The following RHBDD1 variants were observed in gnomAD, a reference collection of about 807,000 sequenced individuals.
The protein encoded by RHBDD1 is rhomboid domain containing 1, also known as rhomboid-related protein 4.
Under a neutral mutation model 36.3 loss-of-function variants are expected in RHBDD1, and 38 were observed. The observed-to-expected ratio is 1.05, with a 90% CI of 0.81 to 1.37. The LOEUF (loss-of-function observed/expected upper bound fraction) is 1.37, where lower values mean the gene tolerates loss of function less well. RHBDD1 is among the 40% of genes most tolerant of loss of function. The probability of loss-of-function intolerance (pLI) is 0.00; values close to 1 mark genes in which losing one functional copy is unlikely to be tolerated. For synonymous variants in RHBDD1, 151 were observed against 136.5 expected (o/e 1.11, Z -0.74); for missense variants, 393 against 377.6 (o/e 1.04, Z -0.34).
intron 8 of RHBDD1, among the ~76,000 whole-genome samples, chr2:226,979,577 A>G (rs1052743783): frequency 6.6e-6 from 1 of 152,124 alleles, no homozygotes; most frequent in Non-Finnish European, 1.5e-5. Context: ...GGAGGAGAGG[A>G]AGCAAGCATC....
At chr2:226,902,365 C>T (rs918599494) in intron 5 of RHBDD1, among the ~76,000 whole-genome samples, 2 of 152,164 alleles carry the variant, frequency 1.3e-5, no homozygotes, top group Non-Finnish European at 2.9e-5. Flanking sequence ...TTTCTGTCTC[C>T]ACAGCACCCC....
chr2:226,960,911 AACTG>A (rs1341683055), intron 8 of RHBDD1, among the ~76,000 whole-genome samples: 1 of 152,190 alleles, frequency 6.6e-6, no homozygotes, highest in African/African-American at 2.4e-5. Context: ...GATGGTTGCT[AACTG>A]ACCTTCATTT....
chr2:226,871,232 T>G (rs987087832), intron 5 of RHBDD1, among the ~76,000 whole-genome samples: 3 of 152,178 alleles, frequency 2.0e-5, no homozygotes, highest in African/African-American at 7.2e-5. Flanking sequence ...AATTTTCTGT[T>G]TTCAAAAATA....
chr2:226,974,721 AGTGTCCCGCACCCAAGAGCAGG>A (rs1954242087), intron 8 of RHBDD1, among the ~76,000 whole-genome samples: 1 of 152,170 alleles, frequency 6.6e-6, no homozygotes, highest in African/African-American at 2.4e-5. Flanking sequence ...GATCCTCTTT[AGTGTCCCGCACCCAAGAGCAGG>A]GTGGATACTC....
intron 8 of RHBDD1, among the ~76,000 whole-genome samples, chr2:226,964,561 CT>C (rs1187033126): frequency 6.6e-6 from 1 of 152,174 alleles, no homozygotes; most frequent in Non-Finnish European, 1.5e-5. Context: ...TATTTATATG[CT>C]GGCAACTTCC....
At chr2:226,887,018 C>T (rs750253446) in intron 5 of RHBDD1, among the ~76,000 whole-genome samples, 21 of 151,916 alleles carry the variant, frequency 1.4e-4, no homozygotes, top group Non-Finnish European at 2.4e-4. Context: ...AAGCCTGTGG[C>T]AGGTTTAATT....
intron 5 of RHBDD1, among the ~76,000 whole-genome samples, chr2:226,885,603 T>A (rs774868632): frequency 1.8e-4 from 28 of 152,090 alleles, no homozygotes; most frequent in Admixed American, 1.8e-3. Context: ...GTAAAAATAG[T>A]CATACAAAAA....
intron 8 of RHBDD1, among the ~76,000 whole-genome samples, chr2:226,938,761 C>G (rs1238767672): frequency 2.0e-5 from 3 of 152,034 alleles, no homozygotes; most frequent in Non-Finnish European, 4.4e-5. Context: ...AAAACGGACT[C>G]CTTGCTAACT....
At chr2:226,975,286 AAC>A (rs373568209) in intron 8 of RHBDD1, among the ~76,000 whole-genome samples, 1 of 151,774 alleles carries the variant, frequency 6.6e-6, no homozygotes, top group Non-Finnish European at 1.5e-5. Context: ...TACACACACA[AAC>A]ACACACACAC....
intron 8 of RHBDD1, among the ~76,000 whole-genome samples, chr2:226,939,224 A>T (rs1184310786): frequency 1.3e-5 from 2 of 152,196 alleles, no homozygotes; most frequent in Admixed American, 1.3e-4. Context: ...GGCACAAGAC[A>T]AGGAAGCCCT....
At chr2:226,988,297 T>C in intron 8 of RHBDD1, 3 of 1,540,156 alleles carry the variant, frequency 1.9e-6, no homozygotes, top group Non-Finnish European at 2.6e-6. Flanking sequence ...TCCCCTGTCC[T>C]TCCCTTCCAC....
intron 8 of RHBDD1, among the ~76,000 whole-genome samples, chr2:226,948,605 A>T (rs1951192031): frequency 6.6e-6 from 1 of 150,936 alleles, no homozygotes; most frequent in Non-Finnish European, 1.5e-5. Flanking sequence ...TAAAAATAAA[A>T]AAAAATAAAA....
chr2:226,837,477 A>T (rs897948476), intron 1 of RHBDD1: 1 of 152,208 alleles, frequency 6.6e-6, no homozygotes, highest in Admixed American at 6.5e-5. Context: ...TGGTTGTAGG[A>T]TTTTTAAGAA....
intron 1 of RHBDD1, among the ~76,000 whole-genome samples, chr2:226,837,246 A>G (rs1441789336): frequency 6.6e-6 from 1 of 152,238 alleles, no homozygotes; most frequent in Non-Finnish European, 1.5e-5. Context: ...AAAACCCTCA[A>G]AGATGTTATT....
intron 5 of RHBDD1, among the ~76,000 whole-genome samples, chr2:226,901,090 G>T (rs1947546175): frequency 6.6e-6 from 1 of 152,170 alleles, no homozygotes; most frequent in South Asian, 2.1e-4. Flanking sequence ...GACTTCTTTA[G>T]AGTCCACATA....
At chr2:226,990,399 G>GA (rs1254661781) in intron 8 of RHBDD1, among the ~76,000 whole-genome samples, 2 of 152,056 alleles carry the variant, frequency 1.3e-5, no homozygotes, top group Non-Finnish European at 2.9e-5. Context: ...TCCTGGTTTA[G>GA]AAAAAAAGTG....
intron 8 of RHBDD1, among the ~76,000 whole-genome samples, chr2:226,939,471 T>C (rs1198751203): frequency 6.6e-6 from 1 of 152,156 alleles, no homozygotes; most frequent in African/African-American, 2.4e-5. Context: ...AGCATTCCTA[T>C]ACACCAACAA....
chr2:226,852,017 G>A (rs1235844945), intron 3 of RHBDD1, among the ~76,000 whole-genome samples: 2 of 152,174 alleles, frequency 1.3e-5, no homozygotes, highest in African/African-American at 2.4e-5. Flanking sequence ...GAAGTCCTCA[G>A]TTTAGCCATG....
chr2:226,904,239 T>C (rs1422435990), intron 5 of RHBDD1, among the ~76,000 whole-genome samples: 1 of 152,052 alleles, frequency 6.6e-6, no homozygotes, highest in South Asian at 2.1e-4. Context: ...ACACACCCAC[T>C]TGGGTTTCAG....
Sources: gnomAD v4.1 joint callset for allele counts (sites outside exome capture counted in the v4.1 genomes callset) on GRCh38, gnomAD v4.1.1 for gene constraint, MANE v1.5 for transcripts, NCBI Gene and HGNC (gene_info 2026-07-23, HGNC 2026-07-21) for gene names.